AFG1L: variants seen among roughly 807,000 people sequenced by gnomAD.
The protein encoded by AFG1L is AFG1-like ATPase.
Under a neutral mutation model 62.2 loss-of-function variants are expected in AFG1L, and 53 were observed. The observed-to-expected ratio is 0.85, with a 90% CI of 0.68 to 1.07. The LOEUF (loss-of-function observed/expected upper bound fraction) is 1.07. AFG1L is among the 50% of genes least tolerant of loss of function. AFG1L has a pLI of 0.00. For missense variants in AFG1L, 555 were observed against 590.5 expected (o/e 0.94, Z 0.62); for synonymous variants, 228 against 210.3 (o/e 1.08, Z -0.73).
intron 7 of AFG1L, among the ~76,000 whole-genome samples, chr6:108,441,960 A>T (rs1771572691): frequency 6.6e-6 from 1 of 152,038 alleles, no homozygotes; most frequent in South Asian, 2.1e-4. Context: ...AAAAATAAGA[A>T]AACTTTTTGA....
At chr6:108,486,511 TA>T (rs1773580567) in intron 10 of AFG1L, among the ~76,000 whole-genome samples, 6 of 152,180 alleles carry the variant, frequency 3.9e-5, no homozygotes, top group Admixed American at 3.3e-4. Flanking sequence ...TTGGTGAAGA[TA>T]TTATTGAGTC....
chr6:108,435,996 T>A (rs1461109191), intron 7 of AFG1L, among the ~76,000 whole-genome samples: 6 of 152,170 alleles, frequency 3.9e-5, no homozygotes, highest in African/African-American at 1.2e-4. Flanking sequence ...ACAGACATGA[T>A]CCTGGTCACA....
chr6:108,412,476 A>G (rs1582545822), intron 7 of AFG1L, among the ~76,000 whole-genome samples: 1 of 152,310 alleles, frequency 6.6e-6, no homozygotes, highest in South Asian at 2.1e-4. Context: ...GATTCACCAA[A>G]GTTGAAATGA....
At chr6:108,319,762 C>T (rs1777748671) in intron 1 of AFG1L, 4 of 437,460 alleles carry the variant, frequency 9.1e-6, no homozygotes, top group Non-Finnish European at 1.8e-5. Context: ...ATGTGTGCCA[C>T]TCCACCCAGC....
intron 8 of AFG1L, among the ~76,000 whole-genome samples, chr6:108,460,766 G>T (rs1051990953): frequency 3.3e-5 from 5 of 152,100 alleles, no homozygotes; most frequent in Non-Finnish European, 5.9e-5. Context: ...GACCATCCTG[G>T]CTAACACGGT....
chr6:108,445,633 T>TGTGAGAGA (rs1364636279), intron 7 of AFG1L, among the ~76,000 whole-genome samples: 2 of 130,088 alleles, frequency 1.5e-5, no homozygotes, highest in African/African-American at 5.8e-5. Context: ...ACACCTAAGG[T>TGTGAGAGA]GAGAGAGAGA....
chr6:108,337,803 A>G (rs1778528653), intron 2 of AFG1L, among the ~76,000 whole-genome samples: 1 of 152,246 alleles, frequency 6.6e-6, no homozygotes, highest in South Asian at 2.1e-4. Flanking sequence ...TATAATGTTC[A>G]TCTTGGGATT....
intron 3 of AFG1L, among the ~76,000 whole-genome samples, chr6:108,353,498 G>A (rs1779156648): frequency 6.6e-6 from 1 of 151,868 alleles, no homozygotes; most frequent in African/African-American, 2.4e-5. Context: ...GTTTTCCACA[G>A]TGACAGTACC....
At chr6:108,440,448 C>T (rs1052641010) in intron 7 of AFG1L, among the ~76,000 whole-genome samples, 8 of 151,908 alleles carry the variant, frequency 5.3e-5, no homozygotes, top group Non-Finnish European at 7.4e-5. Context: ...GGATTACAGG[C>T]GTGAGCCACA....
At position 108,295,175 on chromosome 6, in the gene AFG1L, TC is replaced by T; in HGVS notation, c.97del (p.Leu33SerfsTer24). The stretch of plus-strand genomic sequence containing the variant: ...TTGGGTGCGGGGCCTGGGCCGCCGC[TC>T]TCGCTCCTCTGGCCACCGCCCCTGG... The part of the protein sequence containing the change: ...CVGCGAWAAA[L>X]APLATAPGKP... On this transcript the variant is annotated frameshift_variant, in exon 1 of 13. Transcript: ENST00000368977. LOFTEE classifies it high-confidence loss of function. The T allele has an allele frequency of 6.2e-7, 1 of 1,607,584 alleles. No individual in the cohort carries two copies. The highest frequency in any genetic ancestry group is 8.5e-7 in the Non-Finnish European group (1 of 1,179,790).
chr6:108,474,034 T>TC (rs1289411772), intron 8 of AFG1L, among the ~76,000 whole-genome samples: 3 of 152,178 alleles, frequency 2.0e-5, no homozygotes, highest in African/African-American at 7.2e-5. Flanking sequence ...TTCCTCCCTC[T>TC]CCCCCCGGCT....
In AFG1L at chr6:108,510,334, T is replaced by C. The variant is rs1256965020; in HGVS notation, c.1185T>C (p.Asp395=). 6.2e-7 allele frequency: 1 copy of C among 1,610,470 alleles called. No homozygotes were observed. ...GTCGAAGATTCATAACTCTCATCGA[T>C]AACTTTTATGATCTCAAGGTAAGGA... is the stretch of plus-strand genomic sequence containing the variant. The part of the protein sequence containing the change: ...TQGRRFITLI[D]NFYDLKVRII... The change falls in exon 11 of 13, where the codon GAT becomes GAC. Residue 395 remains aspartate, a synonymous_variant. Transcript: ENST00000368977.
chr6:108,442,856 G>T (rs959541222), intron 7 of AFG1L, among the ~76,000 whole-genome samples: 2 of 152,046 alleles, frequency 1.3e-5, no homozygotes, highest in Non-Finnish European at 2.9e-5. Context: ...ATTTCCAGGG[G>T]ATTGTTGGTC....
chr6:108,523,491 T>C lies in AFG1L; in HGVS notation c.*1066T>C, dbSNP rs569259478. On this transcript the variant is annotated 3_prime_UTR_variant, in exon 13 of 13. Coordinates refer to ENST00000368977, the MANE Select transcript of AFG1L (RefSeq NM_145315.5). Reference sequence around the variant, plus strand: ...AAGTGGATCTTCGGCTGTGGATGAGTGTGAAAAACAGAAAAAATATAAAAT... The same window carrying C: ...AAGTGGATCTTCGGCTGTGGATGAGCGTGAAAAACAGAAAAAATATAAAAT... The C allele has an allele frequency of 6.6e-6, 1 of 152,210 alleles. No individual in the cohort carries two copies. Among genetic ancestry groups the C allele is most frequent in the East Asian group, 1.9e-4 (1 of 5,178 alleles). 9.4% of individuals were successfully genotyped at this position (152,210 alleles called of 1,614,324 possible). A position where few individuals can be genotyped will look rare whatever the true frequency, so the allele number is the denominator to read the frequency against.
At chr6:108,307,000 CT>C (rs1019029233) in intron 1 of AFG1L, among the ~76,000 whole-genome samples, 9 of 151,378 alleles carry the variant, frequency 5.9e-5, no homozygotes, top group African/African-American at 1.2e-4. Flanking sequence ...ACATAAATTA[CT>C]TTTTTTTTCT....
chr6:108,468,230 A>G (rs1193363876), intron 8 of AFG1L, among the ~76,000 whole-genome samples: 2 of 152,182 alleles, frequency 1.3e-5, no homozygotes, highest in Non-Finnish European at 2.9e-5. Context: ...AATAGAACAC[A>G]CCCTTGAGTA....
rs1210406820 is a variant in AFG1L, at chr6:108,524,359, C to T, written c.*1934C>T. ...ATGGACAGTATGACCGATAGACAGA[C>T]CTGTCCCTGAGTGTGAGTGTATGTA... On this transcript the variant is annotated 3_prime_UTR_variant, in exon 13 of 13. Transcript: ENST00000368977. 1 of 152,088 alleles carries T rather than the reference C, an allele frequency of 6.6e-6. No individual in the cohort carries two copies. The highest frequency in any genetic ancestry group is 2.4e-5 in the African/African-American group (1 of 41,404). 9.4% of individuals were successfully genotyped at this position (152,088 alleles called of 1,614,324 possible).
At position 108,499,574 on chromosome 6, in the gene AFG1L, A is replaced by G. The variant is rs374891802; in HGVS notation, c.1063-10638A>G. Among the ~76,000 whole-genome samples the G allele has an allele frequency of 9.9e-5, 13 of 131,950 alleles. 1 individual carries two copies. The East Asian group carries it at 2.9e-3, about 30-fold the overall frequency. The allele number at this position is 131,950 out of a possible 152,430, so 86.6% of individuals were successfully genotyped here. ...GGCAGCATAGCAAGACCTCATCTCT[A>G]CCAAAAAAAAAAAAAAAAAAAAAGC... is the stretch of plus-strand genomic sequence containing the variant. On this transcript the variant is annotated intron_variant, in intron 10 of 12. Transcript: ENST00000368977.
Position 108,477,257 on chromosome 6 carries a change from G to GT in AFG1L, c.1029dup (p.Ala344CysfsTer6). On this transcript the variant is annotated frameshift_variant, in exon 10 of 13. Coordinates refer to ENST00000368977, the MANE Select transcript of AFG1L (RefSeq NM_145315.5). LOFTEE classifies it high-confidence loss of function. ...GCGCCTGAATAAAGCCTGTGGAACC[G>GT]TTGCCGACTGCACATTTGAAGAGCT... 6.2e-7 allele frequency: 1 copy of GT among 1,609,232 alleles called. No homozygotes were observed. Among genetic ancestry groups the GT allele is most frequent in the Non-Finnish European group, 8.5e-7 (1 of 1,176,656 alleles).
Sources: allele counts gnomAD v4.1 joint callset (sites outside exome capture counted in the v4.1 genomes callset), GRCh38; gene constraint gnomAD v4.1.1; transcripts MANE v1.5; gene names NCBI Gene and HGNC (gene_info 2026-07-23, HGNC 2026-07-21).